MINDY4: variants seen among roughly 807,000 people sequenced by gnomAD.
MINDY4 encodes MINDY lysine 48 deubiquitinase 4, also known as probable ubiquitin carboxyl-terminal hydrolase MINDY-4.
A neutral mutation model predicts 87.0 loss-of-function variants in MINDY4; 68 were observed. That is an observed-to-expected ratio of 0.78 (90% CI 0.64 to 0.96). MINDY4 has a LOEUF of 0.96. MINDY4 is among the 40% of genes least tolerant of loss of function. The pLI is 0.00. For missense variants in MINDY4, 919 were observed against 928.2 expected (o/e 0.99, Z 0.13); for synonymous variants, 379 against 363.2 (o/e 1.04, Z -0.50).
chr7:30,772,582 A>G (rs1005041102), intron 1 of MINDY4, among the ~76,000 whole-genome samples: 17 of 152,314 alleles, frequency 1.1e-4, no homozygotes, highest in Non-Finnish European at 2.4e-4. Context: ...GTTCAACTTT[A>G]TACCTCCTCC....
chr7:30,824,311 A>G (rs1414971151), intron 5 of MINDY4, among the ~76,000 whole-genome samples: 1 of 152,200 alleles, frequency 6.6e-6, no homozygotes, highest in African/African-American at 2.4e-5. Context: ...TCCCACTCCC[A>G]TAACAACTTG....
In MINDY4 at chr7:30,828,790, C is replaced by T. The variant is rs142912491; in HGVS notation, c.1132+53C>T. On this transcript the variant is annotated intron_variant, in intron 6 of 17. Coordinates refer to ENST00000265299, the MANE Select transcript of MINDY4 (RefSeq NM_032222.3). ...TGCCCATCAGGGCCCAAGGGGTCCT[C>T]GTTGGCTCTGTCTGGGAGATGGGTG... The T allele has an allele frequency of 1.1e-5, 18 of 1,580,978 alleles. No individual in the cohort carries two copies. The East Asian group carries it at 2.7e-4, about 24-fold the overall frequency.
intron 17 of MINDY4, among the ~76,000 whole-genome samples, chr7:30,888,225 G>A (rs1479441232): frequency 6.6e-6 from 1 of 152,160 alleles, no homozygotes; most frequent in East Asian, 1.9e-4. Flanking sequence ...GTGATTTTAA[G>A]TTGACTTGAG....
At chr7:30,773,092 T>G (rs989701909) in intron 1 of MINDY4, among the ~76,000 whole-genome samples, 2 of 151,912 alleles carry the variant, frequency 1.3e-5, no homozygotes, top group Admixed American at 6.5e-5. Flanking sequence ...CCACAGTTAC[T>G]CAGAAGGTCA....
rs1252079184 is a variant in MINDY4 at position 30,781,994 on chromosome 7, A to G, written c.201A>G (p.Leu67=). The G allele has an allele frequency of 3.1e-6, 5 of 1,613,230 alleles. No homozygotes were observed. Among genetic ancestry groups the G allele is most frequent in the South Asian group, 1.1e-5 (1 of 90,734 alleles). Residue 67 remains leucine, a synonymous_variant, in exon 3 of 18, where the codon CTA becomes CTG. Transcript: ENST00000265299. ...AATGATAGGCAAAGGAAAATCCTCT[A>G]AAAACAAGCCTTGAACTCATCACCA... ...YKENKAKENP[L]KTSLELITRY... is the part of the protein sequence containing the mutation.
At chr7:30,837,142 G>T (rs1331604956) in intron 7 of MINDY4, among the ~76,000 whole-genome samples, 1 of 152,160 alleles carries the variant, frequency 6.6e-6, no homozygotes, top group Non-Finnish European at 1.5e-5. Flanking sequence ...AGGTTGCAGT[G>T]AAGGAAGGAC....
intron 4 of MINDY4, among the ~76,000 whole-genome samples, chr7:30,789,937 C>G (rs1262043331): frequency 6.6e-6 from 1 of 152,178 alleles, no homozygotes; most frequent in Admixed American, 6.5e-5. Flanking sequence ...CTAAGCAAAT[C>G]TTGAGTGCCT....
chr7:30,855,281 TAA>T (rs565353579), intron 12 of MINDY4, among the ~76,000 whole-genome samples: 3 of 152,214 alleles, frequency 2.0e-5, no homozygotes, highest in African/African-American at 7.2e-5. Flanking sequence ...AGAAGAACCT[TAA>T]ACACTTGGAG....
chr7:30,800,083 TGA>T (rs1441335395), intron 5 of MINDY4, among the ~76,000 whole-genome samples: 3 of 152,214 alleles, frequency 2.0e-5, no homozygotes, highest in Non-Finnish European at 4.4e-5. Flanking sequence ...GATGCAGCTG[TGA>T]GCCCTTAGCA....
chr7:30,880,582 GA>G lies in MINDY4; in HGVS notation c.1972-1597del, dbSNP rs547865012. Among the ~76,000 whole-genome samples, 298 of 152,270 alleles carry G rather than the reference GA, an allele frequency of 2.0e-3. 1 individual carries two copies. The highest frequency in any genetic ancestry group is 6.7e-3 in the African/African-American group (278 of 41,562). On this transcript the variant is annotated intron_variant, in intron 15 of 17. Coordinates refer to ENST00000265299, the MANE Select transcript of MINDY4 (RefSeq NM_032222.3). ...GGCTTTGGGACTCTCTCCCTGCCGT[GA>G]ATGAATGCTGGGTCCCTGTGTCAGG...
intron 9 of MINDY4, among the ~76,000 whole-genome samples, chr7:30,844,579 C>T (rs1378541743): frequency 5.3e-5 from 8 of 152,152 alleles, no homozygotes; most frequent in South Asian, 2.1e-4. Flanking sequence ...GGCCTGCTGT[C>T]GGGGGCCTGG....
chr7:30,870,951 C>T (rs550413378), intron 13 of MINDY4, among the ~76,000 whole-genome samples: 194 of 151,520 alleles, frequency 1.3e-3, no homozygotes, highest in African/African-American at 4.3e-3. Flanking sequence ...TCGTGTGTGC[C>T]TCCCAGAGTC....
chr7:30,823,530 A>G (rs1788404755), intron 5 of MINDY4, among the ~76,000 whole-genome samples: 2 of 152,092 alleles, frequency 1.3e-5, no homozygotes, highest in South Asian at 2.1e-4. Context: ...TATTTAATGT[A>G]TCATCTATCA....
At chr7:30,840,653 C>A in intron 8 of MINDY4, 107 bp from the exon 9 acceptor site, 1 of 834,968 alleles carries the variant, frequency 1.2e-6, no homozygotes. Flanking sequence ...TTGCAGAAGG[C>A]AGGGCCCCTT....
At chr7:30,790,463 T>G (rs1425385422) in intron 4 of MINDY4, among the ~76,000 whole-genome samples, 1 of 103,604 alleles carries the variant, frequency 9.7e-6, no homozygotes, top group South Asian at 3.4e-4. Context: ...TTTATTTATT[T>G]TTTTGAGATG....
At chr7:30,873,338 G>A (rs1790163623) in intron 14 of MINDY4, among the ~76,000 whole-genome samples, 1 of 152,216 alleles carries the variant, frequency 6.6e-6, no homozygotes, top group African/African-American at 2.4e-5. Context: ...CAAGCAGGGT[G>A]CAGAGGAACC....
chr7:30,890,356 TGCAC>T (rs1228767626), intron 17 of MINDY4, among the ~76,000 whole-genome samples: 3 of 152,254 alleles, frequency 2.0e-5, no homozygotes, highest in Non-Finnish European at 4.4e-5. Context: ...CCCGATGGTA[TGCAC>T]GATCTATCCT....
chr7:30,849,579 A>G lies in MINDY4; in HGVS notation c.1446-875A>G, dbSNP rs116860029. Among the ~76,000 whole-genome samples, 819 of 152,214 alleles carry G rather than the reference A, an allele frequency of 5.4e-3. 4 individuals are homozygous for G. The highest frequency in any genetic ancestry group is 7.2e-3 in the Non-Finnish European group (489 of 67,998). ...GCTGACTGCCTGTCCATTTGATCCT[A>G]CGACTGTGTCGTGGCACTCTCTCCT... On this transcript the variant is annotated intron_variant, in intron 9 of 17. Transcript: ENST00000265299.
At chr7:30,781,257 C>A (rs1025348821) in intron 2 of MINDY4, 1 of 152,224 alleles carries the variant, frequency 6.6e-6, no homozygotes, top group African/African-American at 2.4e-5. Context: ...TGTGTTTATC[C>A]AAATTACTTA....
Sources: gnomAD v4.1 joint callset for allele counts (sites outside exome capture counted in the v4.1 genomes callset) on GRCh38, gnomAD v4.1.1 for gene constraint, MANE v1.5 for transcripts, NCBI Gene and HGNC (gene_info 2026-07-23, HGNC 2026-07-21) for gene names.